BBX: variants seen among roughly 807,000 people sequenced by gnomAD.
BBX encodes the protein HMG box transcription factor BBX.
BBX carries 30 observed loss-of-function variants against 100.2 expected under a neutral mutation model. The ratio of observed to expected loss-of-function variants is 0.30; its 90% CI spans 0.22 to 0.41. The LOEUF (loss-of-function observed/expected upper bound fraction) is 0.41, where lower values mean the gene tolerates loss of function less well. Ranked by LOEUF, BBX falls within the 10% of genes least tolerant of loss-of-function variation. BBX has a pLI of 1.00. For synonymous variants in BBX, 376 were observed against 388.1 expected (o/e 0.97, Z 0.37); for missense variants, 1,023 against 1,129.8 (o/e 0.91, Z 1.35).
intron 1 of BBX, chr3:107,524,612 A>G (rs1266578349): frequency 8.3e-5 from 1 of 12,088 alleles, no homozygotes; most frequent in Non-Finnish European, 1.7e-4. Context: ...CATGTACGAC[A>G]GAGGGGGGGG....
intron 2 of BBX, among the ~76,000 whole-genome samples, chr3:107,589,802 A>C (rs1364036622): frequency 6.6e-6 from 1 of 152,238 alleles, no homozygotes; most frequent in Non-Finnish European, 1.5e-5. Flanking sequence ...TTAATCACAG[A>C]AAAGTCACAC....
intron 3 of BBX, among the ~76,000 whole-genome samples, chr3:107,689,814 AGTG>A: frequency 6.6e-6 from 1 of 152,222 alleles, no homozygotes; most frequent in African/African-American, 2.4e-5. Context: ...AACTAAAATC[AGTG>A]ATACAATCAG....
At chr3:107,770,008 T>G (rs2066769346) in intron 10 of BBX, among the ~76,000 whole-genome samples, 1 of 152,220 alleles carries the variant, frequency 6.6e-6, no homozygotes, top group South Asian at 2.1e-4. Context: ...AGGATTAACA[T>G]AATCTGTGAA....
intron 3 of BBX, among the ~76,000 whole-genome samples, chr3:107,669,785 C>T (rs2107911786): frequency 6.6e-6 from 1 of 152,248 alleles, no homozygotes; most frequent in Non-Finnish European, 1.5e-5. Flanking sequence ...TTTCCATTGT[C>T]ACCATCCTGT....
At chr3:107,792,065 T>A (rs1195652428) in intron 15 of BBX, among the ~76,000 whole-genome samples, 1 of 152,226 alleles carries the variant, frequency 6.6e-6, no homozygotes, top group African/African-American at 2.4e-5. Flanking sequence ...TTATAGGTCC[T>A]AGGTGCAGAT....
At chr3:107,689,415 TAA>T (rs1272409834) in intron 3 of BBX, among the ~76,000 whole-genome samples, 1 of 152,198 alleles carries the variant, frequency 6.6e-6, no homozygotes, top group East Asian at 1.9e-4. Context: ...GTTAAAATGT[TAA>T]GATATGTTTG....
At chr3:107,778,326 ATATT>A (rs2067494399) in intron 12 of BBX, 41 bp from the exon 13 acceptor site, 1 of 1,600,554 alleles carries the variant, frequency 6.2e-7, no homozygotes, top group Non-Finnish European at 8.6e-7. Flanking sequence ...TTTCTGTGTC[ATATT>A]TGGTCATGTG....
rs184752189 is a variant in BBX, at chr3:107,653,231, A to T, written c.-10+7322A>T. ...AGAGCTTAAAATGCAACCACAAAAA[A>T]TTTCTCTATACCTGTTGGCTCATTT... On this transcript the variant is annotated intron_variant, in intron 3 of 17. Transcript: ENST00000325805. Among the ~76,000 whole-genome samples the T allele has an allele frequency of 4.7e-3, 717 of 152,252 alleles. 5 individuals are homozygous for T. The highest frequency in any genetic ancestry group is 0.016 in the African/African-American group (672 of 41,550).
chr3:107,575,191 A>G (rs767157330), intron 2 of BBX, among the ~76,000 whole-genome samples: 7 of 152,158 alleles, frequency 4.6e-5, no homozygotes, highest in Non-Finnish European at 1.0e-4. Context: ...TAGTTGTATA[A>G]TTTCAATTAA....
intron 3 of BBX, among the ~76,000 whole-genome samples, chr3:107,650,884 A>T (rs544695539): frequency 6.6e-6 from 1 of 152,326 alleles, no homozygotes; most frequent in Admixed American, 6.5e-5. Flanking sequence ...GTCAGTGATT[A>T]AGATGCCGGA....
In BBX at chr3:107,688,455, T is replaced by G. The variant is rs1357293661; in HGVS notation, c.-9-21997T>G. On this transcript the variant is annotated intron_variant, in intron 3 of 17. Coordinates refer to ENST00000325805, the MANE Select transcript of BBX (RefSeq NM_001142568.3). ...CCAGGGTTCCTTCTTGACCGTGTCT[T>G]TGGCAGTGTGGATAAATTTAGCCAT... Among the ~76,000 whole-genome samples the G allele has an allele frequency of 2.0e-5, 3 of 152,218 alleles. No individual in the cohort carries two copies. The East Asian group carries it at 5.8e-4, about 29-fold the overall frequency.
At chr3:107,725,370 T>A (rs897567961) in intron 5 of BBX, among the ~76,000 whole-genome samples, 2 of 152,284 alleles carry the variant, frequency 1.3e-5, no homozygotes. Flanking sequence ...ACAATTTGAC[T>A]TCCTCTTTTC....
chr3:107,616,480 CTG>C (rs1183348148), intron 2 of BBX, among the ~76,000 whole-genome samples: 2 of 152,072 alleles, frequency 1.3e-5, no homozygotes, highest in African/African-American at 4.8e-5. Flanking sequence ...TCCAGAATGG[CTG>C]TGTTTTCATT....
At chr3:107,540,187 T>C (rs2048768101) in intron 2 of BBX, among the ~76,000 whole-genome samples, 1 of 152,162 alleles carries the variant, frequency 6.6e-6, no homozygotes, top group African/African-American at 2.4e-5. Context: ...AAAAGTTAAG[T>C]TCTAGAAGCT....
At chr3:107,645,730 T>C (rs2057478085) in intron 2 of BBX, 106 bp from the exon 3 acceptor site, 1 of 152,560 alleles carries the variant, frequency 6.6e-6, no homozygotes, top group African/African-American at 2.4e-5. Context: ...GGCTGGTAAT[T>C]CATTTTATTT....
intron 2 of BBX, among the ~76,000 whole-genome samples, chr3:107,573,907 G>A (rs1055483129): frequency 6.6e-6 from 1 of 152,028 alleles, no homozygotes; most frequent in East Asian, 1.9e-4. Context: ...TGTATTAGCC[G>A]GGAGACCGGG....
intron 3 of BBX, among the ~76,000 whole-genome samples, chr3:107,689,890 C>T (rs2060053103): frequency 6.6e-6 from 1 of 152,134 alleles, no homozygotes; most frequent in South Asian, 2.1e-4. Context: ...TAGTTTGCTT[C>T]TTAATGACAT....
intron 15 of BBX, among the ~76,000 whole-genome samples, chr3:107,792,120 A>G (rs2069123581): frequency 6.6e-6 from 1 of 152,224 alleles, no homozygotes; most frequent in Admixed American, 6.5e-5. Flanking sequence ...GTGACTTTAT[A>G]TTATTACTGT....
At chr3:107,789,726 C>T (rs1559749068) in intron 13 of BBX, 61 bp from the exon 14 acceptor site, 2 of 1,210,826 alleles carry the variant, frequency 1.7e-6, no homozygotes, top group Middle Eastern at 5.6e-4. Flanking sequence ...TTGAGAAATA[C>T]ACAATATTTT....
Sources: gnomAD v4.1 joint callset for allele counts (sites outside exome capture counted in the v4.1 genomes callset) on GRCh38, gnomAD v4.1.1 for gene constraint, MANE v1.5 for transcripts, NCBI Gene and HGNC (gene_info 2026-07-23, HGNC 2026-07-21) for gene names.